RORA: variants seen among roughly 807,000 people sequenced by gnomAD.
RORA encodes nuclear receptor ROR-alpha.
RORA carries 7 observed loss-of-function variants against 69.5 expected under a neutral mutation model. The ratio of observed to expected loss-of-function variants is 0.10; its 90% CI spans 0.06 to 0.19. The LOEUF is 0.19. Ranked by LOEUF, RORA falls within the 10% of genes least tolerant of loss-of-function variation. The pLI, the probability that RORA is intolerant of heterozygous loss-of-function variation, is 1.00. For missense variants in RORA, 457 were observed against 663.0 expected, an observed-to-expected ratio of 0.69 and a Z score of 3.41; for synonymous variants, 261 against 240.8, an observed-to-expected ratio of 1.08 and a Z score of -0.78.
At chr15:60,985,582 C>CTTTTTTTTTTTTTTTTTT (rs11451387) in intron 1 of RORA, among the ~76,000 whole-genome samples, 1 of 100,864 alleles carries the variant, frequency 9.9e-6, no homozygotes, top group Non-Finnish European at 1.8e-5. Flanking sequence ...AACTCATCCT[C>CTTTTTTTTTTTTTTTTTT]TTTTTTTTTT....
chr15:61,159,793 T>C (rs180914637), intron 1 of RORA, among the ~76,000 whole-genome samples: 1 of 152,342 alleles, frequency 6.6e-6, no homozygotes, highest in East Asian at 1.9e-4. Flanking sequence ...GGATTAGCTA[T>C]TACCAAATTC....
intron 1 of RORA, among the ~76,000 whole-genome samples, chr15:61,082,595 C>T (rs2078561717): frequency 6.6e-6 from 1 of 152,178 alleles, no homozygotes; most frequent in Non-Finnish European, 1.5e-5. Flanking sequence ...TTCTGCAGCA[C>T]CAACTTCATC....
chr15:60,843,172 T>C (rs1368905379), intron 1 of RORA, among the ~76,000 whole-genome samples: 1 of 152,190 alleles, frequency 6.6e-6, no homozygotes, highest in Non-Finnish European at 1.5e-5. Flanking sequence ...GCTGGGCCAC[T>C]TGGTGATTTG....
At chr15:60,800,692 TC>T (rs1172666208) in intron 1 of RORA, among the ~76,000 whole-genome samples, 5 of 152,058 alleles carry the variant, frequency 3.3e-5, no homozygotes, top group Non-Finnish European at 7.4e-5. Context: ...TTATAGCACC[TC>T]CTCTGTCTAC....
At chr15:60,634,970 C>T (rs552396821) in intron 2 of RORA, among the ~76,000 whole-genome samples, 96 of 152,284 alleles carry the variant, frequency 6.3e-4, no homozygotes, top group African/African-American at 2.1e-3. Context: ...TGTTTCTAAG[C>T]GATTAACGGT....
chr15:61,104,712 C>G (rs1366685239), intron 1 of RORA, among the ~76,000 whole-genome samples: 1 of 152,236 alleles, frequency 6.6e-6, no homozygotes, highest in Non-Finnish European at 1.5e-5. Context: ...CCTCCTGCCA[C>G]AGGGTCTTTG....
At chr15:60,807,153 C>G (rs2072670686) in intron 1 of RORA, among the ~76,000 whole-genome samples, 1 of 152,022 alleles carries the variant, frequency 6.6e-6, no homozygotes, top group Non-Finnish European at 1.5e-5. Context: ...GATCCTGTAC[C>G]TAGAAAAACC....
At chr15:61,170,251 T>C (rs1452002223) in intron 1 of RORA, among the ~76,000 whole-genome samples, 1 of 152,244 alleles carries the variant, frequency 6.6e-6, no homozygotes. Context: ...GGCAGGCTTG[T>C]ATTTCTTCTG....
intron 2 of RORA, among the ~76,000 whole-genome samples, chr15:60,621,458 T>C (rs1185909668): frequency 6.6e-6 from 1 of 152,152 alleles, no homozygotes; most frequent in Non-Finnish European, 1.5e-5. Context: ...GAATTATTTC[T>C]GCCAGGTGGG....
intron 2 of RORA, among the ~76,000 whole-genome samples, chr15:60,663,068 C>G (rs748044220): frequency 2.6e-5 from 4 of 152,196 alleles, no homozygotes; most frequent in Non-Finnish European, 4.4e-5. Flanking sequence ...GGGCCACCCC[C>G]ACTCTGATCT....
intron 1 of RORA, among the ~76,000 whole-genome samples, chr15:60,772,321 G>A (rs1035475141): frequency 6.6e-6 from 1 of 152,100 alleles, no homozygotes; most frequent in African/African-American, 2.4e-5. Context: ...GGAGACAAAA[G>A]TAGCTGGCAA....
At chr15:61,201,954 T>C (rs2079898856) in intron 1 of RORA, among the ~76,000 whole-genome samples, 1 of 152,022 alleles carries the variant, frequency 6.6e-6, no homozygotes, top group Non-Finnish European at 1.5e-5. Flanking sequence ...TATCTATATA[T>C]GTAATATGAT....
intron 1 of RORA, among the ~76,000 whole-genome samples, chr15:60,879,614 T>C (rs1337346313): frequency 1.3e-5 from 2 of 152,218 alleles, no homozygotes; most frequent in Non-Finnish European, 2.9e-5. Flanking sequence ...AGTTAGTTTC[T>C]ATGATTAATT....
chr15:60,745,393 T>C (rs147389793), intron 1 of RORA, among the ~76,000 whole-genome samples: 84 of 152,360 alleles, frequency 5.5e-4, no homozygotes, highest in Admixed American at 2.6e-3. Flanking sequence ...GGTAGCTACC[T>C]GCTGCCTCAG....
Position 61,131,664 on chromosome 15 carries a change from C to A in RORA, c.166+97389G>T, listed in dbSNP as rs2079191429. Among the ~76,000 whole-genome samples, 1 of 152,244 alleles carries A rather than the reference C, an allele frequency of 6.6e-6. No homozygotes were observed. Among genetic ancestry groups the A allele is most frequent in the African/African-American group, 2.4e-5 (1 of 41,460 alleles). ...GCTTTAAGCACTTTTAATGTATTCA[C>A]TCATTTAATATGAAATGAAAGGCAA... On this transcript the variant is annotated intron_variant, in intron 1 of 10. Transcript: ENST00000335670. The surrounding 1 kb of genome is among the most constrained non-coding windows in gnomAD (Gnocchi z 4.2).
At chr15:61,049,575 G>A (rs1897205286) in intron 1 of RORA, among the ~76,000 whole-genome samples, 1 of 152,196 alleles carries the variant, frequency 6.6e-6, no homozygotes, top group Admixed American at 6.5e-5. Context: ...TTAACGCACT[G>A]ATAGGCTATG....
intron 2 of RORA, among the ~76,000 whole-genome samples, chr15:60,666,160 A>C (rs28652652): frequency 3.0e-5 from 4 of 135,404 alleles, no homozygotes. Flanking sequence ...AAGGGATACA[A>C]AGATAATTTT....
chr15:61,081,652 A>C (rs1258733333), intron 1 of RORA, among the ~76,000 whole-genome samples: 1 of 151,788 alleles, frequency 6.6e-6, no homozygotes, highest in Non-Finnish European at 1.5e-5. Flanking sequence ...CTAAAAATTC[A>C]AAAAAATTAG....
intron 1 of RORA, among the ~76,000 whole-genome samples, chr15:60,975,316 G>C (rs1464835130): frequency 6.6e-6 from 1 of 152,174 alleles, no homozygotes; most frequent in Non-Finnish European, 1.5e-5. Context: ...TCCGAAAAGA[G>C]AAAGCAGGCA....
Sources: gnomAD v4.1 joint callset for allele counts (sites outside exome capture counted in the v4.1 genomes callset) on GRCh38, gnomAD v4.1.1 for gene constraint, Gnocchi (gnomAD v3.1) non-coding constraint, MANE v1.5 for transcripts, NCBI Gene and HGNC (gene_info 2026-07-23, HGNC 2026-07-21) for gene names.